Variants in DNAJC16 observed in about 807,000 individuals in gnomAD.
DNAJC16 encodes dnaJ homolog subfamily C member 16.
In DNAJC16, 76 loss-of-function variants were observed where a neutral mutation model predicts 92.7. The ratio of observed to expected loss-of-function variants is 0.82; its 90% CI spans 0.68 to 0.99. The LOEUF (loss-of-function observed/expected upper bound fraction) is 0.99. DNAJC16 is among the 50% of genes least tolerant of loss of function. DNAJC16 has a pLI of 0.00. For synonymous variants in DNAJC16, 328 were observed against 358.7 expected, an observed-to-expected ratio of 0.91 and a Z score of 0.97; for missense variants, 869 against 942.4, an observed-to-expected ratio of 0.92 and a Z score of 1.02.
chr1:15,550,116 G>A (rs983588730), intron 7 of DNAJC16, among the ~76,000 whole-genome samples: 1 of 151,374 alleles, frequency 6.6e-6, no homozygotes, highest in African/African-American at 2.5e-5. Flanking sequence ...ACTCAGAACA[G>A]CCACCGGCAC....
chr1:15,536,966 T>A, intron 4 of DNAJC16, 152 bp downstream of exon 4: 1 of 639,820 alleles, frequency 1.6e-6, no homozygotes, highest in Non-Finnish European at 2.5e-6. Flanking sequence ...TTCTCCTGCC[T>A]CAACCTCCCG....
At chr1:15,543,675 ATAT>A (rs1204203218) in intron 4 of DNAJC16, among the ~76,000 whole-genome samples, 1 of 152,162 alleles carries the variant, frequency 6.6e-6, no homozygotes, top group Non-Finnish European at 1.5e-5. Flanking sequence ...AGCATTTAGG[ATAT>A]TATTGCAGCA....
chr1:15,545,630 A>C (rs1638283894), intron 5 of DNAJC16, among the ~76,000 whole-genome samples: 1 of 152,274 alleles, frequency 6.6e-6, no homozygotes, highest in African/African-American at 2.4e-5. Context: ...CCCGCTTTGT[A>C]AGAAGTTTTC....
rs1427352023 is a variant in DNAJC16, at chr1:15,568,315, C to CTT, written c.*140_*141dup. 2.3e-5 allele frequency: 17 copies of CTT among 746,002 alleles called. No individual in the cohort carries two copies. In the East Asian group the frequency reaches 4.2e-4, roughly 18 times the overall value. The allele number at this position is 746,002 out of a possible 1,614,324, so 46.2% of individuals were successfully genotyped here. On this transcript the variant is annotated 3_prime_UTR_variant, in exon 15 of 15. Transcript: ENST00000375847. ...CTTCTAGAACCATGGCTAGAAGAATCTTTCCTTTGTCCTGTTCTAACCTAG... is the reference window on the plus strand; with the variant it reads ...CTTCTAGAACCATGGCTAGAAGAATCTTTTTCCTTTGTCCTGTTCTAACCTAG...
At chr1:15,546,685 T>C in intron 5 of DNAJC16, 82 bp from the exon 6 acceptor site, 1 of 1,106,650 alleles carries the variant, frequency 9.0e-7, no homozygotes, top group Non-Finnish European at 1.3e-6. Flanking sequence ...ACTTACTTGA[T>C]TTGTTTATTT....
At chr1:15,538,211 A>G (rs879784359) in intron 4 of DNAJC16, among the ~76,000 whole-genome samples, 1 of 151,998 alleles carries the variant, frequency 6.6e-6, no homozygotes, top group Non-Finnish European at 1.5e-5. Flanking sequence ...CCTGGCCAAC[A>G]TGGTGAAACC....
At chr1:15,528,812 C>T (rs1347797611) in intron 1 of DNAJC16, among the ~76,000 whole-genome samples, 1 of 152,128 alleles carries the variant, frequency 6.6e-6, no homozygotes, top group Non-Finnish European at 1.5e-5. Flanking sequence ...GCATCCCATT[C>T]ATTTTCATTC....
intron 7 of DNAJC16, among the ~76,000 whole-genome samples, chr1:15,555,841 A>ATT: frequency 6.6e-6 from 1 of 151,808 alleles, no homozygotes; most frequent in Non-Finnish European, 1.5e-5. Flanking sequence ...AAAATACAAA[A>ATT]TTAGCCGGGC....
Position 15,566,101 on chromosome 1 carries a change from G to T in DNAJC16, c.1699G>T (p.Glu567Ter), listed in dbSNP as rs893119273. 6.2e-7 allele frequency: 1 copy of T among 1,613,920 alleles called. No homozygotes were observed. The highest frequency in any genetic ancestry group is 8.5e-7 in the Non-Finnish European group (1 of 1,180,004). The change falls in exon 13 of 15, where the codon GAG becomes TAG. Residue 567 changes from glutamate to a stop codon, truncating the protein, a stop_gained. Coordinates refer to ENST00000375847, the MANE Select transcript of DNAJC16 (RefSeq NM_015291.4). LOFTEE classifies it high-confidence loss of function. ...QAFSDSNDER[E>*]SSPPEKEEAQ... ...CTTTAGCGACTCTAATGATGAGCGA[G>T]AGTCAAGCCCTCCAGAAAAAGAGGA...
At position 15,559,645 on chromosome 1, in the gene DNAJC16, T is replaced by A; in HGVS notation, c.1143T>A (p.His381Gln). The change falls in exon 8 of 15, where the codon CAT becomes CAA. Residue 381 changes from histidine to glutamine, a missense_variant. Transcript: ENST00000375847. Reference sequence around the variant, plus strand: ...AACTCTGCCCTGTGAAACGGTCGCATCGACAGAGGAAGTAAGGACTTAAGG... The same window carrying A: ...AACTCTGCCCTGTGAAACGGTCGCAACGACAGAGGAAGTAAGGACTTAAGG... ...FHELCPVKRS[H>Q]RQRKYCVVLL... 1 of 1,614,100 alleles carries A rather than the reference T, an allele frequency of 6.2e-7. No homozygotes were observed. Among genetic ancestry groups the A allele is most frequent in the East Asian group, 2.2e-5 (1 of 44,884 alleles).
intron 4 of DNAJC16, among the ~76,000 whole-genome samples, chr1:15,539,638 G>A (rs1339057553): frequency 6.6e-6 from 1 of 151,490 alleles, no homozygotes; most frequent in African/African-American, 2.4e-5. Flanking sequence ...TCAACCTCGT[G>A]GGCTTAAGCA....
chr1:15,564,545 CTT>C (rs34711960), intron 11 of DNAJC16, among the ~76,000 whole-genome samples, 186 bp downstream of exon 11: 9 of 142,416 alleles, frequency 6.3e-5, no homozygotes, highest in Non-Finnish European at 6.1e-5. Context: ...TTATTTTTTA[CTT>C]TTTTTTTTTT....
intron 2 of DNAJC16, among the ~76,000 whole-genome samples, chr1:15,531,870 A>G (rs549147415): frequency 1.3e-5 from 2 of 152,324 alleles, no homozygotes; most frequent in East Asian, 1.9e-4. Flanking sequence ...CTTGATATAC[A>G]CTGAAAATAG....
At chr1:15,563,689 AATACC>A (rs1638742308) in intron 9 of DNAJC16, among the ~76,000 whole-genome samples, 1 of 148,348 alleles carries the variant, frequency 6.7e-6, no homozygotes, top group African/African-American at 2.5e-5. Context: ...AAAAAAAAAA[AATACC>A]AAAAATTAGC....
chr1:15,567,656 T>G, intron 14 of DNAJC16, 122 bp from the exon 15 acceptor site: 1 of 1,115,554 alleles, frequency 9.0e-7, no homozygotes, highest in Non-Finnish European at 1.3e-6. Flanking sequence ...TTTCTCTGTG[T>G]TCAGGCCCCA....
intron 6 of DNAJC16, 102 bp from the exon 7 acceptor site, chr1:15,548,168 G>A: frequency 1.7e-6 from 2 of 1,146,708 alleles, no homozygotes; most frequent in Non-Finnish European, 2.5e-6. Flanking sequence ...GTGTAAGCTG[G>A]CATGTACCTC....
intron 2 of DNAJC16, 99 bp from the exon 3 acceptor site, chr1:15,534,138 C>T (rs1350955150): frequency 1.8e-6 from 2 of 1,141,830 alleles, no homozygotes; most frequent in South Asian, 1.6e-5. Context: ...CAAAATAGCC[C>T]TCCGTCTGCC....
intron 7 of DNAJC16, among the ~76,000 whole-genome samples, chr1:15,548,718 A>G (rs1175164266): frequency 6.6e-6 from 1 of 152,226 alleles, no homozygotes; most frequent in Non-Finnish European, 1.5e-5. Context: ...AGGAATAAGA[A>G]GAAGCCACAA....
intron 2 of DNAJC16, among the ~76,000 whole-genome samples, chr1:15,533,760 A>G (rs915353807): frequency 6.6e-6 from 1 of 152,258 alleles, no homozygotes; most frequent in Non-Finnish European, 1.5e-5. Flanking sequence ...GATTGTTACT[A>G]AATGAATTTA....
Sources: gnomAD v4.1 joint callset for allele counts (sites outside exome capture counted in the v4.1 genomes callset) on GRCh38, gnomAD v4.1.1 for gene constraint, MANE v1.5 for transcripts, NCBI Gene and HGNC (gene_info 2026-07-23, HGNC 2026-07-21) for gene names.